Variants in JAM3 observed in about 807,000 individuals in gnomAD.
JAM3 encodes junctional adhesion molecule C.
Under a neutral mutation model 39.4 loss-of-function variants are expected in JAM3, and 31 were observed. The ratio of observed to expected loss-of-function variants is 0.79; its 90% confidence interval spans 0.59 to 1.06. JAM3 has a LOEUF of 1.06. Among genes scored for constraint, JAM3 ranks in the 50% least tolerant of loss-of-function variants. JAM3 has a pLI of 0.00. For missense variants in JAM3, 455 were observed against 391.4 expected (o/e 1.16, Z -1.37); for synonymous variants, 182 against 148.7 (o/e 1.22, Z -1.63).
chr11:134,097,696 G>GT (rs768138978), intron 1 of JAM3, among the ~76,000 whole-genome samples: 26 of 152,176 alleles, frequency 1.7e-4, no homozygotes, highest in Non-Finnish European at 5.9e-5. Context: ...AACAATTGCT[G>GT]TATTTCTGAC....
intron 1 of JAM3, among the ~76,000 whole-genome samples, chr11:134,119,989 T>C (rs1942503426): frequency 6.6e-6 from 1 of 152,224 alleles, no homozygotes; most frequent in Admixed American, 6.5e-5. Context: ...CTTTGCTGTG[T>C]GTATGGGTGA....
intron 1 of JAM3, among the ~76,000 whole-genome samples, chr11:134,113,685 T>C (rs1942365069): frequency 6.6e-6 from 1 of 152,226 alleles, no homozygotes; most frequent in Admixed American, 6.5e-5. Context: ...CAGCATGATT[T>C]ATAATCCTTT....
At chr11:134,090,260 G>T (rs1381752779) in intron 1 of JAM3, among the ~76,000 whole-genome samples, 1 of 152,210 alleles carries the variant, frequency 6.6e-6, no homozygotes, top group African/African-American at 2.4e-5. Context: ...TAGGTTGCCT[G>T]TTCACTGTGA....
At chr11:134,112,109 C>A (rs919685894) in intron 1 of JAM3, among the ~76,000 whole-genome samples, 13 of 152,186 alleles carry the variant, frequency 8.5e-5, no homozygotes, top group African/African-American at 2.7e-4. Context: ...TTTATTGAGA[C>A]AGAGCCTCGC....
In JAM3 at chr11:134,090,540, CTGAA is replaced by C. The variant is rs148690260; in HGVS notation, c.76+21385_76+21388del. Among the ~76,000 whole-genome samples the C allele has an allele frequency of 4.6e-3, 704 of 152,224 alleles. 2 individuals carry two copies. Among genetic ancestry groups the C allele is most frequent in the Middle Eastern group, 0.031 (9 of 294 alleles). Reference sequence around the variant, plus strand: ...GTAAAAGTAGTTGTCAGAAAATAAACTGAATGATAGGTAGGAAAGCTTCAAACTA... The same window carrying C: ...GTAAAAGTAGTTGTCAGAAAATAAACTGATAGGTAGGAAAGCTTCAAACTA... On this transcript the variant is annotated intron_variant, in intron 1 of 8. Transcript: ENST00000299106.
At chr11:134,141,758 AG>A (rs1022696274) in intron 3 of JAM3, among the ~76,000 whole-genome samples, 27 of 151,964 alleles carry the variant, frequency 1.8e-4, no homozygotes, top group African/African-American at 6.5e-4. Flanking sequence ...GGCTGTGCCA[AG>A]GGGCACAGAG....
intron 1 of JAM3, among the ~76,000 whole-genome samples, chr11:134,100,660 C>T (rs1188057577): frequency 6.6e-6 from 1 of 152,164 alleles, no homozygotes; most frequent in Non-Finnish European, 1.5e-5. Context: ...TGAATGCATT[C>T]TCTGCGTCAG....
chr11:134,137,856 G>A (rs583480), intron 1 of JAM3, among the ~76,000 whole-genome samples: 243 of 39,970 alleles, frequency 6.1e-3, no homozygotes, highest in Middle Eastern at 0.021. Context: ...TTTATGGCCA[G>A]TAGTCCCTTA....
At position 134,069,116 on chromosome 11, in the gene JAM3, C is replaced by T. The variant is rs771565305; in HGVS notation, c.33C>T (p.Leu11=). 6.2e-7 allele frequency: 1 copy of T among 1,612,538 alleles called. No homozygotes were observed. The change falls in exon 1 of 9, where the codon CTC becomes CTT. Residue 11 remains leucine, a synonymous_variant. Transcript: ENST00000299106. ...TGAGGCGGCCACCGCGACTCCGGCT[C>T]TGCGCTCGGCTGCCTGACTTCTTCC... is the stretch of plus-strand genomic sequence containing the variant. The part of the protein sequence containing the change: MALRRPPRLR[L]CARLPDFFLL...
Position 134,149,482 on chromosome 11 carries a change from A to G in JAM3, c.*301A>G, listed in dbSNP as rs1943150207. 1 of 547,196 alleles carries G rather than the reference A, an allele frequency of 1.8e-6. No individual in the cohort carries two copies. The highest frequency in any genetic ancestry group is 1.9e-5 in the African/African-American group (1 of 52,854). 33.9% of individuals were successfully genotyped at this position (547,196 alleles called of 1,614,324 possible). Reference sequence around the variant, plus strand: ...CCCGCATGAGTATTAGGGTGATCTTAAAGAGTTTGCTCACGTAAACGCCCG... The same window carrying G: ...CCCGCATGAGTATTAGGGTGATCTTGAAGAGTTTGCTCACGTAAACGCCCG... On this transcript the variant is annotated 3_prime_UTR_variant, in exon 9 of 9. Transcript: ENST00000299106.
rs1030820199 is a variant in JAM3, at chr11:134,149,630, G to A, written c.*449G>A. 6.5e-6 allele frequency: 3 copies of A among 460,660 alleles called. No individual in the cohort carries two copies. The highest frequency in any genetic ancestry group is 2.3e-5 in the Admixed American group (1 of 42,678). The allele number at this position is 460,660 out of a possible 1,614,324, so 28.5% of individuals were successfully genotyped here. A position where few individuals can be genotyped will look rare whatever the true frequency, so the allele number is the denominator to read the frequency against. On this transcript the variant is annotated 3_prime_UTR_variant, in exon 9 of 9. Coordinates refer to ENST00000299106, the MANE Select transcript of JAM3 (RefSeq NM_032801.5). ...GCATCCCGGCGGGAACCCAGAAAAG[G>A]CTTCTTACACAGCAGCCTTACTTCA...
chr11:134,148,881 G>C (rs1763307563), intron 8 of JAM3, 63 bp downstream of exon 8: 2 of 1,540,866 alleles, frequency 1.3e-6, no homozygotes, highest in African/African-American at 1.4e-5. Context: ...ATTCCCCCTT[G>C]GAAACCACAC....
intron 1 of JAM3, among the ~76,000 whole-genome samples, chr11:134,111,096 A>G (rs1441506518): frequency 6.8e-6 from 1 of 147,820 alleles, no homozygotes; most frequent in Non-Finnish European, 1.5e-5. Flanking sequence ...TCCTATGTCT[A>G]CACTACATGC....
At chr11:134,102,405 A>G (rs1942092617) in intron 1 of JAM3, among the ~76,000 whole-genome samples, 1 of 152,166 alleles carries the variant, frequency 6.6e-6, no homozygotes, top group African/African-American at 2.4e-5. Flanking sequence ...AAAACCACAA[A>G]GATGGGGAAA....
intron 1 of JAM3, among the ~76,000 whole-genome samples, chr11:134,080,800 G>T (rs1457511667): frequency 2.6e-5 from 4 of 152,182 alleles, no homozygotes; most frequent in Non-Finnish European, 5.9e-5. Flanking sequence ...TTGGAACTGG[G>T]TAATAGGCAG....
At position 134,149,289 on chromosome 11, in the gene JAM3, A is replaced by C; in HGVS notation, c.*108A>C. The C allele has an allele frequency of 7.4e-7, 1 of 1,355,874 alleles. No homozygotes were observed. The highest frequency in any genetic ancestry group is 1.0e-6 in the Non-Finnish European group (1 of 960,542). The allele number at this position is 1,355,874 out of a possible 1,614,324, so 84.0% of individuals were successfully genotyped here. A position where few individuals can be genotyped will look rare whatever the true frequency, so the allele number is the denominator to read the frequency against. ...TGCACTCGGACAGAGCTAGACACTCATTCAGAAGCTTTTCGTTTTGGCCAA... is the reference window on the plus strand; with the variant it reads ...TGCACTCGGACAGAGCTAGACACTCCTTCAGAAGCTTTTCGTTTTGGCCAA... On this transcript the variant is annotated 3_prime_UTR_variant, in exon 9 of 9. Coordinates refer to ENST00000299106, the MANE Select transcript of JAM3 (RefSeq NM_032801.5).
chr11:134,086,479 CT>C (rs1176474265), intron 1 of JAM3, among the ~76,000 whole-genome samples: 2 of 151,694 alleles, frequency 1.3e-5, no homozygotes, highest in African/African-American at 4.8e-5. Context: ...CTTTGACATT[CT>C]TGGATTTAAA....
intron 1 of JAM3, among the ~76,000 whole-genome samples, chr11:134,138,043 G>A (rs1942900538): frequency 9.9e-6 from 1 of 100,538 alleles, no homozygotes; most frequent in East Asian, 3.4e-4. Context: ...TCAAAGTCGT[G>A]GTGCTCATAC....
Position 134,139,917 on chromosome 11 carries a change from G to GTGGCCCC in JAM3, c.142+2_142+3insGGCCCCT. ...ACCCCAGTGGTACAGGAATTTGAAA[G>GTGGCCCC]TAAGTACAAACGAAATGCCTAGGAT... is the stretch of plus-strand genomic sequence containing the variant. On this transcript the variant is annotated splice_donor_variant, in intron 2 of 8. Coordinates refer to ENST00000299106, the MANE Select transcript of JAM3 (RefSeq NM_032801.5). LOFTEE classifies it high-confidence loss of function. 6.2e-7 allele frequency: 1 copy of GTGGCCCC among 1,611,902 alleles called. No individual in the cohort carries two copies. The highest frequency in any genetic ancestry group is 8.5e-7 in the Non-Finnish European group (1 of 1,178,038).
Sources: allele counts gnomAD v4.1 joint callset (sites outside exome capture counted in the v4.1 genomes callset), GRCh38; gene constraint gnomAD v4.1.1; transcripts MANE v1.5; gene names NCBI Gene and HGNC (gene_info 2026-07-23, HGNC 2026-07-21).